The following SGCZ variants were observed in gnomAD, a reference collection of about 807,000 sequenced individuals.
SGCZ encodes the protein zeta-sarcoglycan.
SGCZ carries 40 observed loss-of-function variants against 41.3 expected under a neutral mutation model. That is an observed-to-expected ratio of 0.97 (90% CI 0.75 to 1.26). SGCZ has a LOEUF of 1.26. Among genes scored for constraint, SGCZ ranks in the 50% most tolerant of loss-of-function variants. The pLI is 0.00. For synonymous variants in SGCZ, 206 were observed against 137.5 expected (o/e 1.50, Z -3.49); for missense variants, 552 against 369.8 (o/e 1.49, Z -4.04).
intron 1 of SGCZ, among the ~76,000 whole-genome samples, chr8:15,149,921 C>A (rs900174648): frequency 2.6e-5 from 4 of 152,126 alleles, no homozygotes; most frequent in African/African-American, 9.7e-5. Context: ...CTGGAGGCAT[C>A]ATGGGAAACC....
At chr8:15,050,576 G>C (rs965540770) in intron 1 of SGCZ, among the ~76,000 whole-genome samples, 1 of 152,162 alleles carries the variant, frequency 6.6e-6, no homozygotes, top group Non-Finnish European at 1.5e-5. Flanking sequence ...CAAGAGAAGT[G>C]AGTGTTACAA....
chr8:14,299,131 A>C (rs140930405), intron 3 of SGCZ, among the ~76,000 whole-genome samples: 2 of 152,032 alleles, frequency 1.3e-5, no homozygotes, highest in African/African-American at 4.8e-5. Flanking sequence ...GTATGGAAAA[A>C]GTACACATCA....
At chr8:14,301,296 A>G (rs1801177947) in intron 3 of SGCZ, among the ~76,000 whole-genome samples, 1 of 151,874 alleles carries the variant, frequency 6.6e-6, no homozygotes, top group Non-Finnish European at 1.5e-5. Context: ...CATGGAGCTG[A>G]TCCATGTTTT....
At chr8:14,234,035 G>C (rs919249503) in intron 4 of SGCZ, among the ~76,000 whole-genome samples, 1 of 151,928 alleles carries the variant, frequency 6.6e-6, no homozygotes. Context: ...TGAAGGTCAA[G>C]AAAATTAGAA....
intron 1 of SGCZ, among the ~76,000 whole-genome samples, chr8:14,667,996 G>A (rs1294429087): frequency 3.9e-5 from 6 of 152,096 alleles, no homozygotes; most frequent in African/African-American, 7.2e-5. Context: ...TCACTCTGTC[G>A]CCCAGGCTGT....
intron 6 of SGCZ, among the ~76,000 whole-genome samples, chr8:14,105,059 A>G (rs1239910366): frequency 2.0e-5 from 3 of 152,132 alleles, no homozygotes; most frequent in Non-Finnish European, 2.9e-5. Context: ...AGAAATAAAA[A>G]CAAACATTAG....
At chr8:15,013,673 T>C (rs1371218757) in intron 1 of SGCZ, among the ~76,000 whole-genome samples, 2 of 152,194 alleles carry the variant, frequency 1.3e-5, no homozygotes, top group African/African-American at 4.8e-5. Flanking sequence ...ACCAAGTCTG[T>C]GCACTTGGAC....
chr8:14,301,219 C>T (rs929573649), intron 3 of SGCZ, among the ~76,000 whole-genome samples: 4 of 151,880 alleles, frequency 2.6e-5, no homozygotes, highest in Non-Finnish European at 4.4e-5. Flanking sequence ...GTATCTGATT[C>T]CCCAATGTAT....
intron 1 of SGCZ, among the ~76,000 whole-genome samples, chr8:14,756,146 C>T (rs1585234574): frequency 6.7e-6 from 1 of 150,304 alleles, no homozygotes; most frequent in Non-Finnish European, 1.5e-5. Flanking sequence ...TTATGACAGG[C>T]ATATAGGACT....
chr8:14,792,921 G>A (rs1389312863), intron 1 of SGCZ, among the ~76,000 whole-genome samples: 5 of 152,006 alleles, frequency 3.3e-5, no homozygotes, highest in Non-Finnish European at 7.4e-5. Flanking sequence ...AATACTATTG[G>A]CATGCTGATG....
intron 1 of SGCZ, among the ~76,000 whole-genome samples, chr8:14,943,887 A>G: frequency 6.6e-6 from 1 of 152,158 alleles, no homozygotes; most frequent in East Asian, 1.9e-4. Context: ...AGCTCTAACC[A>G]TGTTACTGCA....
Position 14,574,499 on chromosome 8 carries a change from A to G in SGCZ, c.40-19573T>C, listed in dbSNP as rs910841201. ...CCTGCCATGTACCAGGGAAGAAGAA[A>G]TGCTCTAACAAGAGGCAAAGAAGAA... On this transcript the variant is annotated intron_variant, in intron 1 of 7. Transcript: ENST00000382080. Among the ~76,000 whole-genome samples, 7 of 152,192 alleles carry G rather than the reference A, an allele frequency of 4.6e-5. No homozygotes were observed. In the East Asian group the frequency reaches 1.3e-3, roughly 29 times the overall value.
At chr8:14,951,675 T>C (rs1235582972) in intron 1 of SGCZ, among the ~76,000 whole-genome samples, 1 of 152,048 alleles carries the variant, frequency 6.6e-6, no homozygotes, top group African/African-American at 2.4e-5. Flanking sequence ...AATGATCAAA[T>C]GATTAAAGAC....
At chr8:14,616,002 G>A (rs746955476) in intron 1 of SGCZ, among the ~76,000 whole-genome samples, 9 of 152,050 alleles carry the variant, frequency 5.9e-5, no homozygotes, top group Non-Finnish European at 7.4e-5. Flanking sequence ...GAAAACCCTG[G>A]GCTGGGCGCA....
chr8:14,621,995 T>C (rs1351837353), intron 1 of SGCZ, among the ~76,000 whole-genome samples: 2 of 152,070 alleles, frequency 1.3e-5, no homozygotes, highest in African/African-American at 4.8e-5. Context: ...GGCCTATTTG[T>C]GCTCTACAGA....
chr8:14,498,815 T>A (rs1802065978), intron 2 of SGCZ, among the ~76,000 whole-genome samples: 1 of 152,064 alleles, frequency 6.6e-6, no homozygotes, highest in African/African-American at 2.4e-5. Flanking sequence ...TTGTTTAATT[T>A]TTGTGCAATA....
At position 14,134,464 on chromosome 8, in the gene SGCZ, C is replaced by T. The variant is rs187031832; in HGVS notation, c.548-26229G>A. 3.2e-3 allele frequency among the ~76,000 whole-genome samples: 483 copies of T among 152,244 alleles called. 4 individuals are homozygous for T. Among genetic ancestry groups the T allele is most frequent in the African/African-American group, 0.01 (425 of 41,550 alleles). ...CATATGAATATATTTGACTATATCT[C>T]AATATATGTGTCATTCAAATTAACT... On this transcript the variant is annotated intron_variant, in intron 5 of 7. Coordinates refer to ENST00000382080, the MANE Select transcript of SGCZ (RefSeq NM_139167.4).
At chr8:14,591,448 C>G (rs540925206) in intron 1 of SGCZ, among the ~76,000 whole-genome samples, 1 of 152,000 alleles carries the variant, frequency 6.6e-6, no homozygotes, top group Admixed American at 6.6e-5. Flanking sequence ...GTTATAAAGG[C>G]TTAATTGAAA....
chr8:14,359,023 T>G (rs1803406272), intron 2 of SGCZ, among the ~76,000 whole-genome samples: 1 of 152,182 alleles, frequency 6.6e-6, no homozygotes, highest in Non-Finnish European at 1.5e-5. Flanking sequence ...CATGACTTTC[T>G]TTTAATTAGG....
Sources: allele counts gnomAD v4.1 joint callset (sites outside exome capture counted in the v4.1 genomes callset), GRCh38; gene constraint gnomAD v4.1.1; transcripts MANE v1.5; gene names NCBI Gene and HGNC (gene_info 2026-07-23, HGNC 2026-07-21).